TLN2: variants seen among roughly 807,000 people sequenced by gnomAD.
TLN2 encodes talin 2.
Under a neutral mutation model 294.7 loss-of-function variants are expected in TLN2, and 118 were observed. That is an observed-to-expected ratio of 0.40 (90% CI 0.34 to 0.47). The LOEUF (loss-of-function observed/expected upper bound fraction) is 0.47, where lower values mean the gene tolerates loss of function less well. TLN2 is among the 20% of genes least tolerant of loss of function. TLN2 has a pLI of 0.84. For missense variants in TLN2, 3,083 were observed against 3,282.2 expected (o/e 0.94, Z 1.48); for synonymous variants, 1,431 against 1,304.5 (o/e 1.10, Z -2.09).
intron 9 of TLN2, among the ~76,000 whole-genome samples, chr15:62,663,255 C>T (rs950341675): frequency 2.6e-5 from 4 of 152,008 alleles, no homozygotes; most frequent in African/African-American, 9.7e-5. Flanking sequence ...GAAAGAATTT[C>T]ATAAAATAAA....
At chr15:62,722,590 G>C in intron 26 of TLN2, 103 bp downstream of exon 26, 1 of 1,368,260 alleles carries the variant, frequency 7.3e-7, no homozygotes, top group Non-Finnish European at 9.6e-7. Flanking sequence ...TCTTGGCAAA[G>C]TTGTCCATTC....
intron 3 of TLN2, among the ~76,000 whole-genome samples, chr15:62,627,224 A>T (rs1422496713): frequency 6.6e-6 from 1 of 152,194 alleles, no homozygotes; most frequent in Admixed American, 6.5e-5. Context: ...GGGATGATCC[A>T]TCCTCTTGGA....
chr15:62,491,164 A>G (rs1301796376), intron 1 of TLN2, among the ~76,000 whole-genome samples: 3 of 152,118 alleles, frequency 2.0e-5, no homozygotes, highest in Non-Finnish European at 1.5e-5. Context: ...TCTACTAAAA[A>G]TACAAAAATT....
intron 1 of TLN2, among the ~76,000 whole-genome samples, chr15:62,400,681 C>T (rs2032950231): frequency 6.6e-6 from 1 of 151,916 alleles, no homozygotes; most frequent in Admixed American, 6.6e-5. Flanking sequence ...ATATGGTGAC[C>T]AGATGATAAA....
chr15:62,436,254 A>G (rs73424385), intron 1 of TLN2, among the ~76,000 whole-genome samples: 2,116 of 152,288 alleles, frequency 0.014, 50 homozygotes, highest in African/African-American at 0.049. Flanking sequence ...TGTTAAGGAT[A>G]CAGTGGTGCG....
At chr15:62,831,858 C>T (rs1385071435) in intron 54 of TLN2, 1 of 152,192 alleles carries the variant, frequency 6.6e-6, no homozygotes, top group African/African-American at 2.4e-5. Flanking sequence ...GACTTGTATC[C>T]CTCCTGTCTG....
chr15:62,680,896 A>G (rs938827539), intron 11 of TLN2, among the ~76,000 whole-genome samples: 1 of 152,184 alleles, frequency 6.6e-6, no homozygotes, highest in African/African-American at 2.4e-5. Flanking sequence ...AAGTTGTTGC[A>G]AAGGACATTA....
At chr15:62,824,253 G>A (rs894055938) in intron 54 of TLN2, among the ~76,000 whole-genome samples, 1 of 152,138 alleles carries the variant, frequency 6.6e-6, no homozygotes, top group Non-Finnish European at 1.5e-5. Context: ...GGGGTATTCT[G>A]TGTGGCTTAG....
At chr15:62,782,771 C>G (rs1200960840) in intron 44 of TLN2, among the ~76,000 whole-genome samples, 1 of 152,190 alleles carries the variant, frequency 6.6e-6, no homozygotes, top group Non-Finnish European at 1.5e-5. Context: ...AAAGGGTGGA[C>G]ATTCCTGTCC....
At chr15:62,522,974 AC>A (rs2040542558) in intron 1 of TLN2, among the ~76,000 whole-genome samples, 1 of 142,426 alleles carries the variant, frequency 7.0e-6, no homozygotes, top group Non-Finnish European at 1.5e-5. Context: ...ACACACACAC[AC>A]ACACTCTCTC....
At chr15:62,403,879 C>T (rs558976790) in intron 1 of TLN2, among the ~76,000 whole-genome samples, 2 of 152,316 alleles carry the variant, frequency 1.3e-5, no homozygotes, top group East Asian at 1.9e-4. Context: ...TTACTATTCC[C>T]TGATATTACA....
At chr15:62,450,575 CTGTGTGTGTGT>C (rs1566981260) in intron 1 of TLN2, among the ~76,000 whole-genome samples, 4 of 97,960 alleles carry the variant, frequency 4.1e-5, no homozygotes, top group East Asian at 8.1e-4. Flanking sequence ...GTGTGTGTGT[CTGTGTGTGTGT>C]GTGTTTGAGA....
chr15:62,462,159 G>A (rs1052922564), intron 1 of TLN2, among the ~76,000 whole-genome samples: 9 of 152,204 alleles, frequency 5.9e-5, no homozygotes, highest in African/African-American at 2.2e-4. Context: ...GCTTGAACCC[G>A]GGAGGCGGAG....
At chr15:62,564,257 G>A (rs1217973160) in intron 1 of TLN2, among the ~76,000 whole-genome samples, 1 of 152,138 alleles carries the variant, frequency 6.6e-6, no homozygotes, top group Non-Finnish European at 1.5e-5. Flanking sequence ...CCTCTGGTGG[G>A]CTTCTCCCCA....
intron 1 of TLN2, among the ~76,000 whole-genome samples, chr15:62,398,923 C>T (rs2032781028): frequency 6.6e-6 from 1 of 152,184 alleles, no homozygotes; most frequent in African/African-American, 2.4e-5. Flanking sequence ...TTGCGGCAGC[C>T]CCTCCCATCT....
chr15:62,784,274 G>T, intron 45 of TLN2: 1 of 340,986 alleles, frequency 2.9e-6, no homozygotes, highest in Non-Finnish European at 5.3e-6. Flanking sequence ...TTTTCCATAG[G>T]TTCACAGAAG....
chr15:62,673,892 T>C lies in TLN2; in HGVS notation c.852+2T>C. 1 of 1,612,506 alleles carries C rather than the reference T, an allele frequency of 6.2e-7. No individual in the cohort carries two copies. Among genetic ancestry groups the C allele is most frequent in the Non-Finnish European group, 8.5e-7 (1 of 1,178,832 alleles). ...GGAGCTGAAAAGAGGATCTTTCAGG[T>C]ATTGGAAATGTACAGAACTTTATTA... On this transcript the variant is annotated splice_donor_variant, in intron 10 of 58. Coordinates refer to ENST00000636159, the MANE Select transcript of TLN2 (RefSeq NM_015059.3). LOFTEE classifies it high-confidence loss of function.
intron 54 of TLN2, chr15:62,831,609 C>T (rs1317441565): frequency 6.6e-6 from 1 of 152,038 alleles, no homozygotes; most frequent in Non-Finnish European, 1.5e-5. Context: ...TATACTCCAC[C>T]AGTCCAAAAT....
At position 62,782,729 on chromosome 15, in the gene TLN2, GC is replaced by G. The variant is rs373795498; in HGVS notation, c.5617-1040del. On this transcript the variant is annotated intron_variant, in intron 44 of 58. Coordinates refer to ENST00000636159, the MANE Select transcript of TLN2 (RefSeq NM_015059.3). ...CTTGGCGGCCACATCTCAGCCTGAAGCCTGGGACGTGTCCTTGTACACATGC... is the reference window on the plus strand; with the variant it reads ...CTTGGCGGCCACATCTCAGCCTGAAGCTGGGACGTGTCCTTGTACACATGC... 1.7e-3 allele frequency among the ~76,000 whole-genome samples: 259 copies of G among 152,364 alleles called. 1 individual carries two copies. The highest frequency in any genetic ancestry group is 3.1e-3 in the Non-Finnish European group (212 of 68,042).
Sources: allele counts gnomAD v4.1 joint callset (sites outside exome capture counted in the v4.1 genomes callset), GRCh38; gene constraint gnomAD v4.1.1; transcripts MANE v1.5; gene names NCBI Gene and HGNC (gene_info 2026-07-23, HGNC 2026-07-21).